The following ABCA9 variants were observed in gnomAD, a reference collection of about 807,000 sequenced individuals.
The protein encoded by ABCA9 is ATP-binding cassette sub-family A member 9.
ABCA9 carries 183 observed loss-of-function variants against 205.3 expected under a neutral mutation model. The observed-to-expected ratio is 0.89, with a 90% CI of 0.79 to 1.01. The LOEUF (loss-of-function observed/expected upper bound fraction) is 1.01. ABCA9 is among the 50% of genes least tolerant of loss of function. ABCA9 has a pLI of 0.00. For synonymous variants in ABCA9, 651 were observed against 683.3 expected (o/e 0.95, Z 0.74); for missense variants, 1,805 against 1,912.4 (o/e 0.94, Z 1.05).
chr17:68,980,640 T>C (rs2069020795), intron 37 of ABCA9, among the ~76,000 whole-genome samples: 1 of 151,680 alleles, frequency 6.6e-6, no homozygotes, highest in Non-Finnish European at 1.5e-5. Flanking sequence ...TGTAGGGACA[T>C]GGATGAAGCT....
At chr17:69,071,516 A>C in the ABCA9 span, among the ~76,000 whole-genome samples, 1 of 152,192 alleles carries the variant, frequency 6.6e-6, no homozygotes, top group South Asian at 2.1e-4. Context: ...CTGTTAGAAG[A>C]AAAACTAACA....
At chr17:69,037,044 G>A (rs183940107) in intron 6 of ABCA9, among the ~76,000 whole-genome samples, 1 of 152,026 alleles carries the variant, frequency 6.6e-6, no homozygotes, top group African/African-American at 2.4e-5. Context: ...ACCCAATACA[G>A]GAGCACCCAG....
At chr17:69,030,462 C>T (rs1237963167) in intron 10 of ABCA9, among the ~76,000 whole-genome samples, 1 of 152,130 alleles carries the variant, frequency 6.6e-6, no homozygotes, top group East Asian at 1.9e-4. Context: ...AAGACTTTAT[C>T]TTCAAATACC....
In ABCA9 at chr17:69,035,819, C is replaced by T; in HGVS notation, c.801-18G>A. ...AGGAAAGCCTAGCAGAGAAACAAAG[C>T]CGTCAGTTAGAATGTTGTTACTTCA... On this transcript the variant is annotated intron_variant, in intron 6 of 38. Transcript: ENST00000340001. 2 of 1,604,632 alleles carry T rather than the reference C, an allele frequency of 1.2e-6. No homozygotes were observed. Among genetic ancestry groups the T allele is most frequent in the African/African-American group, 1.3e-5 (1 of 74,544 alleles).
At chr17:69,066,974 G>A in the ABCA9 span, among the ~76,000 whole-genome samples, 1 of 152,114 alleles carries the variant, frequency 6.6e-6, no homozygotes, top group Non-Finnish European at 1.5e-5. Flanking sequence ...ATCATTGATG[G>A]ATCAGGAAAG....
the ABCA9 span, chr17:69,078,921 C>T: frequency 2.9e-6 from 3 of 1,050,372 alleles, 1 homozygote; most frequent in Middle Eastern, 6.4e-4. Flanking sequence ...TTAATTATTA[C>T]ATAAAACATG....
At position 69,017,825 on chromosome 17, in the gene ABCA9, A is replaced by G. The variant is rs769826513; in HGVS notation, c.2768-36T>C. 6 of 1,596,284 alleles carry G rather than the reference A, an allele frequency of 3.8e-6. No individual in the cohort carries two copies. In the African/African-American group the frequency reaches 8.1e-5, roughly 21 times the overall value. On this transcript the variant is annotated intron_variant, in intron 20 of 38. Coordinates refer to ENST00000340001, the MANE Select transcript of ABCA9 (RefSeq NM_080283.4). ...GCAAAGATTAAAGGAAGCAAAAATG[A>G]AATAAAACAATAGTCAAGTAATATT...
the ABCA9 span, among the ~76,000 whole-genome samples, chr17:69,075,075 A>G: frequency 6.6e-6 from 1 of 151,738 alleles, no homozygotes; most frequent in East Asian, 1.9e-4. Context: ...ATGTTTTTTG[A>G]CCACTTTTTA....
chr17:69,000,318 G>T (rs1298811461), intron 25 of ABCA9, among the ~76,000 whole-genome samples: 1 of 149,934 alleles, frequency 6.7e-6, no homozygotes, highest in Admixed American at 6.6e-5. Flanking sequence ...GTGTAAGGAA[G>T]GGATCCAGTT....
intron 6 of ABCA9, among the ~76,000 whole-genome samples, chr17:69,040,830 C>T (rs1465124306): frequency 6.6e-6 from 1 of 151,768 alleles, no homozygotes; most frequent in Non-Finnish European, 1.5e-5. Flanking sequence ...TACATACCCA[C>T]AGGACACAGA....
the ABCA9 span, among the ~76,000 whole-genome samples, chr17:69,076,310 T>C: frequency 6.6e-6 from 1 of 152,204 alleles, no homozygotes; most frequent in African/African-American, 2.4e-5. Context: ...CTTTATGTGG[T>C]AAATCACATT....
chr17:69,048,075 T>C lies in ABCA9; in HGVS notation c.304+1208A>G, dbSNP rs1389599613. ...GAAGCAAAGGGGGGAAAACCCCTTA[T>C]AAAATCATTAGATCTTGTGAGAACT... On this transcript the variant is annotated intron_variant, in intron 3 of 38. Coordinates refer to ENST00000340001, the MANE Select transcript of ABCA9 (RefSeq NM_080283.4). Among the ~76,000 whole-genome samples the C allele has an allele frequency of 3.3e-5, 5 of 152,268 alleles. No individual in the cohort carries two copies. The East Asian group carries it at 9.7e-4, about 29-fold the overall frequency.
chr17:69,051,467 T>C (rs2071899941), intron 1 of ABCA9: 2 of 272,002 alleles, frequency 7.4e-6, no homozygotes, highest in Non-Finnish European at 1.4e-5. Context: ...TCCGCCTTGT[T>C]GTTGGGGGTA....
intron 16 of ABCA9, among the ~76,000 whole-genome samples, chr17:69,024,880 G>A (rs1395715971): frequency 6.6e-6 from 1 of 152,048 alleles, no homozygotes; most frequent in Non-Finnish European, 1.5e-5. Context: ...AATCTGGCCT[G>A]TCTTTATTAA....
At chr17:69,010,100 C>G (rs559934011) in intron 23 of ABCA9, among the ~76,000 whole-genome samples, 1 of 149,058 alleles carries the variant, frequency 6.7e-6, no homozygotes, top group Non-Finnish European at 1.5e-5. Context: ...TGAGTAACAA[C>G]GAAGTACGTA....
intron 1 of ABCA9, among the ~76,000 whole-genome samples, chr17:69,058,515 GTGTATTAGTC>G (rs1168616771): frequency 3.9e-5 from 6 of 152,138 alleles, no homozygotes; most frequent in African/African-American, 9.7e-5. Context: ...GAAGGGCAAG[GTGTATTAGTC>G]TGTTCTCACA....
Position 69,015,345 on chromosome 17 carries a change from G to A in ABCA9, c.3039+908C>T, listed in dbSNP as rs145372852. Among the ~76,000 whole-genome samples, 1,068 of 152,154 alleles carry A rather than the reference G, an allele frequency of 7.0e-3. 14 individuals carry two copies. The highest frequency in any genetic ancestry group is 0.024 in the African/African-American group (985 of 41,516). On this transcript the variant is annotated intron_variant, in intron 22 of 38. Coordinates refer to ENST00000340001, the MANE Select transcript of ABCA9 (RefSeq NM_080283.4). Reference sequence around the variant, plus strand: ...CCAAGAAGCTATAGAATATGGCCAGGGTGTCATTTTCACCAGACGAAGTGT... The same window carrying A: ...CCAAGAAGCTATAGAATATGGCCAGAGTGTCATTTTCACCAGACGAAGTGT...
intron 23 of ABCA9, among the ~76,000 whole-genome samples, chr17:69,011,485 T>A (rs1023902680): frequency 3.3e-5 from 5 of 152,184 alleles, no homozygotes; most frequent in African/African-American, 1.2e-4. Flanking sequence ...GACAAGGACA[T>A]GAAGACATGG....
intron 10 of ABCA9, 141 bp downstream of exon 10, chr17:69,031,967 T>C (rs1598394948): frequency 3.1e-6 from 2 of 640,628 alleles, no homozygotes; most frequent in East Asian, 2.7e-5. Flanking sequence ...AGGATGAGTA[T>C]AGCCTTTGAT....
Sources: allele counts gnomAD v4.1 joint callset (sites outside exome capture counted in the v4.1 genomes callset), GRCh38; gene constraint gnomAD v4.1.1; transcripts MANE v1.5; gene names NCBI Gene and HGNC (gene_info 2026-07-23, HGNC 2026-07-21).